DUSP15: variants seen among roughly 807,000 people sequenced by gnomAD.
The protein encoded by DUSP15 is dual specificity protein phosphatase 15.
Under a neutral mutation model 26.3 loss-of-function variants are expected in DUSP15, and 23 were observed. The ratio of observed to expected loss-of-function variants is 0.87; its 90% confidence interval spans 0.63 to 1.24. DUSP15 has a LOEUF of 1.24. Among genes scored for constraint, DUSP15 ranks in the 50% most tolerant of loss-of-function variants. DUSP15 has a pLI of 0.00. For missense variants in DUSP15, 364 were observed against 320.6 expected, an observed-to-expected ratio of 1.14 and a Z score of -1.03; for synonymous variants, 143 against 135.5, an observed-to-expected ratio of 1.06 and a Z score of -0.39.
At position 31,848,238 on chromosome 20, in the gene DUSP15, G is replaced by A. The variant is rs368984326; in HGVS notation, c.*166C>T. ...CCCATGCCCAGCTGGGGGGCGGTGT[G>A]GCCTACTCTCGAGTTCCGGGGCCCC... On this transcript the variant is annotated 3_prime_UTR_variant, in exon 10 of 10. Transcript: ENST00000278979. 7.0e-5 allele frequency: 44 copies of A among 632,652 alleles called. 1 individual carries two copies. The highest frequency in any genetic ancestry group is 2.0e-4 in the East Asian group (6 of 30,542). 39.2% of individuals were successfully genotyped at this position (632,652 alleles called of 1,614,324 possible). A position where few individuals can be genotyped will look rare whatever the true frequency, so the allele number is the denominator to read the frequency against.
Position 31,863,915 on chromosome 20 carries a change from A to G in DUSP15, c.255T>C (p.Leu85=). 1 of 1,611,502 alleles carries G rather than the reference A, an allele frequency of 6.2e-7. No homozygotes were observed. Among genetic ancestry groups the G allele is most frequent in the East Asian group, 2.2e-5 (1 of 44,646 alleles). Residue 85 remains leucine, a synonymous_variant, in exon 5 of 7, where the codon CTT becomes CTC. Transcript: ENST00000339738. ...HCCRLNGGNC[L]VHCFAGISRS... Reference sequence around the variant, plus strand: ...CCCTCCGCTTAACTCACCAGTGCACAAGGCAGTTCCCCCCATTAAGGCGGC... The same window carrying G: ...CCCTCCGCTTAACTCACCAGTGCACGAGGCAGTTCCCCCCATTAAGGCGGC...
intron 7 of DUSP15, among the ~76,000 whole-genome samples, chr20:31,850,117 C>T (rs1246475108): frequency 2.0e-5 from 3 of 152,240 alleles, no homozygotes; most frequent in Non-Finnish European, 4.4e-5. Flanking sequence ...GCCATCTGTA[C>T]AGTGAGGGCA....
At chr20:31,869,318 G>A (rs2062855056) in intron 2 of DUSP15, among the ~76,000 whole-genome samples, 1 of 152,202 alleles carries the variant, frequency 6.6e-6, no homozygotes, top group African/African-American at 2.4e-5. Flanking sequence ...CACTGGGGAA[G>A]GCTGAATGGC....
intron 3 of DUSP15, 26 bp from the exon 4 acceptor site, chr20:31,865,028 A>C (rs759784672): frequency 6.2e-7 from 1 of 1,614,026 alleles, no homozygotes; most frequent in South Asian, 1.1e-5. Context: ...ACACTCAGGC[A>C]GGGGACCTTG....
chr20:31,845,777 C>T (rs1478135438), downstream of DUSP15, among the ~76,000 whole-genome samples: 1 of 152,184 alleles, frequency 6.6e-6, no homozygotes, highest in Non-Finnish European at 1.5e-5. Flanking sequence ...GAGCAGCTGC[C>T]AGGGATGAGG....
chr20:31,854,125 G>A (rs1332113583), intron 6 of DUSP15, among the ~76,000 whole-genome samples: 4 of 152,144 alleles, frequency 2.6e-5, no homozygotes, highest in Non-Finnish European at 4.4e-5. Context: ...CATTTCTCTC[G>A]TTCAGCACTG....
chr20:31,848,475 C>A, exon 10 of DUSP15: 1 of 1,611,918 alleles, frequency 6.2e-7, no homozygotes, highest in Non-Finnish European at 8.5e-7. Context: ...GTGATGCCAT[C>A]GGGGTTGCCA....
rs1280801479 is a variant in DUSP15 at position 31,861,268 on chromosome 20, G to A, written c.*135C>T. The A allele has an allele frequency of 2.9e-6, 4 of 1,364,238 alleles. No homozygotes were observed. Among genetic ancestry groups the A allele is most frequent in the Non-Finnish European group, 3.8e-6 (4 of 1,065,606 alleles). 84.5% of individuals were successfully genotyped at this position (1,364,238 alleles called of 1,614,324 possible). The stretch of plus-strand genomic sequence containing the variant: ...CTGACTGCAGACGCGGACGAGCAGG[G>A]CGGGCGCGGGAGGCAGGGTTCAGGC... On this transcript the variant is annotated 3_prime_UTR_variant, in exon 7 of 7. Coordinates refer to ENST00000339738, the MANE Select transcript of DUSP15 (RefSeq NM_080611.5).
At chr20:31,853,781 G>A (rs938780196) in intron 6 of DUSP15, among the ~76,000 whole-genome samples, 1 of 151,924 alleles carries the variant, frequency 6.6e-6, no homozygotes, top group Non-Finnish European at 1.5e-5. Flanking sequence ...AATATTTTTT[G>A]TAGAGATGGG....
chr20:31,848,115 T>G, exon 10 of DUSP15: 1 of 421,540 alleles, frequency 2.4e-6, no homozygotes, highest in Non-Finnish European at 4.2e-6. Flanking sequence ...GAAAGCGCTA[T>G]TGACAAATTG....
At chr20:31,860,428 G>T (rs1359711127), downstream of DUSP15, among the ~76,000 whole-genome samples, 1 of 152,226 alleles carries the variant, frequency 6.6e-6, no homozygotes, top group African/African-American at 2.4e-5. Flanking sequence ...GCCAGCTACC[G>T]CTTTGATGGG....
intron 7 of DUSP15, chr20:31,850,585 G>A (rs750476440): frequency 1.8e-5 from 29 of 1,601,584 alleles, no homozygotes; most frequent in Middle Eastern, 1.7e-4. Flanking sequence ...CACACTGGTC[G>A]GAGGGGAGGG....
At chr20:31,861,951 C>A (rs548578048) in intron 6 of DUSP15, among the ~76,000 whole-genome samples, 2 of 152,128 alleles carry the variant, frequency 1.3e-5, no homozygotes, top group East Asian at 1.9e-4. Context: ...GACCCCCAGG[C>A]GCCCAGCGGG....
At position 31,861,339 on chromosome 20, in the gene DUSP15, G is replaced by A; in HGVS notation, c.*64C>T. 1 of 1,430,818 alleles carries A rather than the reference G, an allele frequency of 7.0e-7. No individual in the cohort carries two copies. The highest frequency in any genetic ancestry group is 2.9e-5 in the East Asian group (1 of 34,566). The allele number at this position is 1,430,818 out of a possible 1,614,324, so 88.6% of individuals were successfully genotyped here. On this transcript the variant is annotated 3_prime_UTR_variant, in exon 7 of 7. Coordinates refer to ENST00000339738, the MANE Select transcript of DUSP15 (RefSeq NM_080611.5). ...CTCTGGGCCCGTCCTGGGGGGCGTG[G>A]AAGGCGCAGACAGCCCCCGAAGGGA...
chr20:31,855,334 A>T (rs951773929), intron 6 of DUSP15, among the ~76,000 whole-genome samples: 2 of 152,184 alleles, frequency 1.3e-5, no homozygotes, highest in African/African-American at 4.8e-5. Context: ...TGAAACTGAT[A>T]CAAGTGTTGC....
intron 1 of DUSP15, chr20:31,869,986 G>A (rs974166917): frequency 4.8e-5 from 65 of 1,344,492 alleles, no homozygotes; most frequent in Admixed American, 9.9e-5. Context: ...AACAGCCCCG[G>A]AGAGAGCCGA....
At chr20:31,854,547 G>A (rs148921617) in intron 6 of DUSP15, among the ~76,000 whole-genome samples, 1,850 of 152,298 alleles carry the variant, frequency 0.012, 21 homozygotes, top group South Asian at 0.036. Flanking sequence ...GTCTCCAAGC[G>A]ACTAGAATGG....
chr20:31,868,476 CTTTTTTTTT>C (rs35862553), intron 2 of DUSP15, among the ~76,000 whole-genome samples: 2 of 97,330 alleles, frequency 2.1e-5, no homozygotes, highest in Admixed American at 1.2e-4. Context: ...TTTTCTTTCT[CTTTTTTTTT>C]TTTTTTTTTT....
rs369904876 is a variant in DUSP15 at position 31,848,573 on chromosome 20, G to A, written c.727-8C>T. The A allele has an allele frequency of 3.3e-4, 520 of 1,560,766 alleles. 4 individuals carry two copies. In the African/African-American group the frequency reaches 6.1e-3, roughly 18 times the overall value. On this transcript the variant is annotated splice_region_variant and splice_polypyrimidine_tract_variant and intron_variant, in intron 9 of 9. Coordinates refer to the DUSP15 transcript ENST00000278979. Reference sequence around the variant, plus strand: ...CCGAAGCTGCACCTGCACCTGCGGGGGCGGGTGGGGCGATGAGCAGACCCT... The same window carrying A: ...CCGAAGCTGCACCTGCACCTGCGGGAGCGGGTGGGGCGATGAGCAGACCCT...
Sources: allele counts gnomAD v4.1 joint callset (sites outside exome capture counted in the v4.1 genomes callset), GRCh38; gene constraint gnomAD v4.1.1; transcripts MANE v1.5; gene names NCBI Gene and HGNC (gene_info 2026-07-23, HGNC 2026-07-21).